Variants in HEATR5A observed in about 807,000 individuals in gnomAD.
HEATR5A encodes the protein HEAT repeat-containing protein 5A.
Under a neutral mutation model 218.8 loss-of-function variants are expected in HEATR5A, and 178 were observed. The ratio of observed to expected loss-of-function variants is 0.81; its 90% CI spans 0.72 to 0.92. The LOEUF is 0.92. Among genes scored for constraint, HEATR5A ranks in the 40% least tolerant of loss-of-function variants. The pLI is 0.00. For synonymous variants in HEATR5A, 864 were observed against 871.6 expected (o/e 0.99, Z 0.15); for missense variants, 2,420 against 2,418.9 (o/e 1.00, Z -0.01).
chr14:31,367,953 G>A (rs1901867130), intron 13 of HEATR5A, among the ~76,000 whole-genome samples: 5 of 151,984 alleles, frequency 3.3e-5, no homozygotes, highest in Admixed American at 2.6e-4. Context: ...TTTTAGTAAC[G>A]TATGGGACAG....
intron 14 of HEATR5A, among the ~76,000 whole-genome samples, chr14:31,363,407 A>G (rs962717305): frequency 1.8e-4 from 27 of 152,142 alleles, no homozygotes; most frequent in Admixed American, 6.6e-5. Flanking sequence ...TTTTAAATTG[A>G]TAGATGGCAA....
chr14:31,372,196 CAA>C (rs201678515), intron 12 of HEATR5A, among the ~76,000 whole-genome samples: 15 of 75,448 alleles, frequency 2.0e-4, no homozygotes, highest in Non-Finnish European at 2.8e-4. Context: ...AGCTTAGAAG[CAA>C]AAAAAAAAAA....
chr14:31,344,365 G>A (rs1566761857), intron 20 of HEATR5A, among the ~76,000 whole-genome samples: 1 of 138,358 alleles, frequency 7.2e-6, no homozygotes, highest in Non-Finnish European at 1.5e-5. Context: ...GCAACCCCCG[G>A]CTTCCGGGTT....
chr14:31,415,941 G>GTT (rs879494221), intron 1 of HEATR5A, among the ~76,000 whole-genome samples: 1 of 146,164 alleles, frequency 6.8e-6, no homozygotes. Context: ...CATACTATGG[G>GTT]TTTTTTTTTT....
intron 3 of HEATR5A, among the ~76,000 whole-genome samples, chr14:31,399,514 G>C (rs777958672): frequency 6.6e-6 from 1 of 152,114 alleles, no homozygotes; most frequent in Non-Finnish European, 1.5e-5. Flanking sequence ...GTAAAAATGA[G>C]ACCAACAAAA....
At chr14:31,394,751 G>A (rs1202589013) in intron 5 of HEATR5A, among the ~76,000 whole-genome samples, 1 of 152,162 alleles carries the variant, frequency 6.6e-6, no homozygotes, top group Non-Finnish European at 1.5e-5. Flanking sequence ...CCGGGAGGCA[G>A]AGCTTGCAGT....
At chr14:31,313,726 T>A (rs1431215493) in intron 27 of HEATR5A, among the ~76,000 whole-genome samples, 1 of 152,170 alleles carries the variant, frequency 6.6e-6, no homozygotes, top group Non-Finnish European at 1.5e-5. Flanking sequence ...GGCAAACTAA[T>A]CTGGTGGAAA....
intron 1 of HEATR5A, among the ~76,000 whole-genome samples, chr14:31,412,055 C>T (rs144932827): frequency 6.6e-6 from 1 of 152,098 alleles, no homozygotes; most frequent in African/African-American, 2.4e-5. Flanking sequence ...AGGGTTTCAC[C>T]ATGTTGACCA....
intron 16 of HEATR5A, among the ~76,000 whole-genome samples, chr14:31,354,365 C>T (rs556471340): frequency 6.6e-6 from 1 of 152,150 alleles, no homozygotes; most frequent in South Asian, 2.1e-4. Context: ...TATTTCTTGA[C>T]CACATTCATG....
intron 14 of HEATR5A, among the ~76,000 whole-genome samples, chr14:31,359,279 AGTGTAAGAGTGTGTGTGTGTGTGTGTGT>A (rs1199920666): frequency 2.0e-4 from 21 of 102,642 alleles, no homozygotes; most frequent in African/African-American, 6.9e-4. Flanking sequence ...AACATCTCAA[AGTGTAAGAGTGTGTGTGTGTGTGTGTGT>A]GTGTGTGTGT....
intron 21 of HEATR5A, among the ~76,000 whole-genome samples, chr14:31,342,895 T>C (rs539441467): frequency 6.6e-6 from 1 of 152,302 alleles, no homozygotes; most frequent in African/African-American, 2.4e-5. Flanking sequence ...AGCTCTGAAA[T>C]GCTGCATATT....
At chr14:31,339,526 A>G (rs1372772186) in intron 21 of HEATR5A, among the ~76,000 whole-genome samples, 1 of 151,768 alleles carries the variant, frequency 6.6e-6, no homozygotes, top group Non-Finnish European at 1.5e-5. Context: ...ACATTTTATC[A>G]GAAGCCAAGA....
intron 6 of HEATR5A, among the ~76,000 whole-genome samples, chr14:31,390,198 G>A (rs1250850427): frequency 1.3e-5 from 2 of 152,150 alleles, no homozygotes; most frequent in African/African-American, 4.8e-5. Flanking sequence ...GGGTAGGTAG[G>A]AGACAGGTCA....
At chr14:31,321,724 A>T (rs774457749) in intron 24 of HEATR5A, 44 bp from the exon 25 acceptor site, 5 of 1,416,732 alleles carry the variant, frequency 3.5e-6, no homozygotes, top group Non-Finnish European at 4.8e-6. Context: ...AGATTAGAAA[A>T]TATCAAAAAA....
In HEATR5A at chr14:31,389,024, C is replaced by T. The variant is rs2030343732; in HGVS notation, c.773-19G>A. 1 of 1,577,558 alleles carries T rather than the reference C, an allele frequency of 6.3e-7. No individual in the cohort carries two copies. Among genetic ancestry groups the T allele is most frequent in the Non-Finnish European group, 8.6e-7 (1 of 1,158,496 alleles). On this transcript the variant is annotated intron_variant, in intron 6 of 35. Transcript: ENST00000543095. The stretch of plus-strand genomic sequence containing the variant: ...GAGGCTGCTATGACAAAGAACAAAA[C>T]TGTGATTCATATTTTACAGACTAAA...
Position 31,312,977 on chromosome 14 carries a change from G to C in HEATR5A, c.4432C>G (p.Pro1478Ala). ...TATTTTATCTCCTTACCTTCAGCAG[G>C]AAGTTGGGAGGCAAATTCTGAAGGC... ...TLPSEFASQL[P>A]AEGGAFYTAE... The change falls in exon 28 of 36, where the codon CCT (proline) becomes GCT (alanine). Residue 1478 changes from proline to alanine, a missense_variant. By Grantham distance (27) the Pro-to-Ala change is conservative. Coordinates refer to ENST00000543095, the MANE Select transcript of HEATR5A (RefSeq NM_015473.4). 1 of 1,609,554 alleles carries C rather than the reference G, an allele frequency of 6.2e-7. No homozygotes were observed. The highest frequency in any genetic ancestry group is 8.5e-7 in the Non-Finnish European group (1 of 1,175,976).
intron 16 of HEATR5A, among the ~76,000 whole-genome samples, chr14:31,357,955 C>T (rs1396742843): frequency 2.0e-5 from 3 of 152,136 alleles, no homozygotes; most frequent in Admixed American, 1.3e-4. Flanking sequence ...AGGTGAGTGG[C>T]GGGCAAGCGA....
In HEATR5A at chr14:31,374,815, C is replaced by T; in HGVS notation, c.1861+1G>A. The T allele has an allele frequency of 6.2e-7, 1 of 1,611,158 alleles. No homozygotes were observed. The highest frequency in any genetic ancestry group is 1.3e-5 in the African/African-American group (1 of 74,960). On this transcript the variant is annotated splice_donor_variant, in intron 12 of 35. Transcript: ENST00000543095. LOFTEE classifies it high-confidence loss of function. Reference sequence around the variant, plus strand: ...GAGAGAAAAGACTAAATCCAACCTACCACACAGTGCACCAGCTCGTCCTTC... The same window carrying T: ...GAGAGAAAAGACTAAATCCAACCTATCACACAGTGCACCAGCTCGTCCTTC...
chr14:31,307,373 C>T (rs1182413402), intron 30 of HEATR5A, among the ~76,000 whole-genome samples: 2 of 152,168 alleles, frequency 1.3e-5, no homozygotes, highest in Non-Finnish European at 2.9e-5. Context: ...ATACTTTGTA[C>T]AGGAACCCTT....
Sources: allele counts gnomAD v4.1 joint callset (sites outside exome capture counted in the v4.1 genomes callset), GRCh38; gene constraint gnomAD v4.1.1; transcripts MANE v1.5; gene names NCBI Gene and HGNC (gene_info 2026-07-23, HGNC 2026-07-21).